Variants in MXI1 observed in about 807,000 individuals in gnomAD.
MXI1 encodes the protein MAX interactor 1, dimerization protein.
Under a neutral mutation model 36.9 loss-of-function variants are expected in MXI1, and 18 were observed. The observed-to-expected ratio is 0.49, with a 90% CI of 0.34 to 0.72. The LOEUF (loss-of-function observed/expected upper bound fraction) is 0.72. Ranked by LOEUF, MXI1 falls within the 30% of genes least tolerant of loss-of-function variation. MXI1 has a pLI of 0.01. For missense variants in MXI1, 304 were observed against 379.1 expected (o/e 0.80, Z 1.64); for synonymous variants, 160 against 146.7 (o/e 1.09, Z -0.65).
chr10:110,228,124 T>C, intron 1 of MXI1, 65 bp from the exon 2 acceptor site: 2 of 1,573,518 alleles, frequency 1.3e-6, no homozygotes, highest in Non-Finnish European at 1.7e-6. Flanking sequence ...GACCTCGGAT[T>C]TGTGGGTCAA....
chr10:110,250,175 G>C (rs1856025243), intron 3 of MXI1, among the ~76,000 whole-genome samples: 1 of 152,098 alleles, frequency 6.6e-6, no homozygotes, highest in Admixed American at 6.5e-5. Context: ...CTTGGGAGCT[G>C]ATATCTGCCC....
intron 1 of MXI1, among the ~76,000 whole-genome samples, chr10:110,210,739 G>C (rs936908105): frequency 3.0e-4 from 46 of 152,238 alleles, no homozygotes; most frequent in Non-Finnish European, 5.9e-5. Flanking sequence ...CTTCGCGCTG[G>C]CGGCGCTCGT....
intron 2 of MXI1, among the ~76,000 whole-genome samples, chr10:110,243,489 G>A (rs771852678): frequency 1.8e-4 from 27 of 151,946 alleles, no homozygotes; most frequent in Non-Finnish European, 1.5e-4. Flanking sequence ...TTAATTTTAA[G>A]GTTTGAGAAT....
At chr10:110,212,035 T>G (rs1854527488) in intron 1 of MXI1, among the ~76,000 whole-genome samples, 1 of 152,176 alleles carries the variant, frequency 6.6e-6, no homozygotes, top group African/African-American at 2.4e-5. Context: ...AAAGGGATGT[T>G]ATGTGCATAA....
At chr10:110,231,650 C>T (rs552433551) in intron 2 of MXI1, among the ~76,000 whole-genome samples, 86 of 152,294 alleles carry the variant, frequency 5.6e-4, no homozygotes, top group African/African-American at 2.0e-3. Context: ...TTCTGGCACA[C>T]TTCCAAAAAT....
intron 3 of MXI1, among the ~76,000 whole-genome samples, chr10:110,277,135 C>T (rs1057504972): frequency 1.3e-5 from 2 of 152,126 alleles, no homozygotes; most frequent in Admixed American, 1.3e-4. Flanking sequence ...AGCCACCATG[C>T]CCAGCCCATT....
chr10:110,240,402 G>A (rs1855629092), intron 2 of MXI1, among the ~76,000 whole-genome samples: 1 of 151,966 alleles, frequency 6.6e-6, no homozygotes, highest in African/African-American at 2.4e-5. Flanking sequence ...ATGTTCGTGG[G>A]CTTAGTTATT....
intron 4 of MXI1, 111 bp from the exon 5 acceptor site, chr10:110,279,803 A>G: frequency 1.5e-6 from 1 of 663,484 alleles, no homozygotes; most frequent in Non-Finnish European, 2.3e-6. Flanking sequence ...ATATATTTTT[A>G]TACACACTCA....
At chr10:110,217,312 G>C (rs1241630837) in intron 1 of MXI1, among the ~76,000 whole-genome samples, 1 of 152,212 alleles carries the variant, frequency 6.6e-6, no homozygotes, top group Non-Finnish European at 1.5e-5. Context: ...AGGGGATCTG[G>C]ATTACCTACT....
At chr10:110,281,612 T>C (rs1040387080) in intron 5 of MXI1, among the ~76,000 whole-genome samples, 1 of 152,226 alleles carries the variant, frequency 6.6e-6, no homozygotes, top group African/African-American at 2.4e-5. Flanking sequence ...TGAAGGAATA[T>C]ATAGGTATAG....
chr10:110,268,479 T>C (rs1173937646), intron 3 of MXI1, among the ~76,000 whole-genome samples: 1 of 152,204 alleles, frequency 6.6e-6, no homozygotes, highest in Non-Finnish European at 1.5e-5. Flanking sequence ...CCCAGTCTTT[T>C]ACTTGATAAA....
chr10:110,212,788 A>G (rs1854543221), intron 1 of MXI1, among the ~76,000 whole-genome samples: 2 of 152,234 alleles, frequency 1.3e-5, no homozygotes, highest in African/African-American at 2.4e-5. Context: ...TACCTGAGAT[A>G]TAATAGGTGC....
chr10:110,234,220 A>C (rs1410686176), intron 2 of MXI1, among the ~76,000 whole-genome samples: 1 of 152,144 alleles, frequency 6.6e-6, no homozygotes, highest in Non-Finnish European at 1.5e-5. Flanking sequence ...AAATGAAAGA[A>C]CATTGCCTGC....
intron 5 of MXI1, among the ~76,000 whole-genome samples, chr10:110,281,832 T>C (rs901912202): frequency 6.6e-6 from 1 of 152,204 alleles, no homozygotes; most frequent in African/African-American, 2.4e-5. Context: ...GTCAGTATTG[T>C]GTGTAGTTGT....
chr10:110,225,941 A>AG (rs1854949818), intron 1 of MXI1: 31 of 828,394 alleles, frequency 3.7e-5, no homozygotes, highest in African/African-American at 4.4e-5. Context: ...CAGGGGCGGG[A>AG]GGGGGCGGGC....
At chr10:110,215,030 A>AT (rs1854598376) in intron 1 of MXI1, among the ~76,000 whole-genome samples, 2 of 98,916 alleles carry the variant, frequency 2.0e-5, no homozygotes, top group Non-Finnish European at 3.7e-5. Flanking sequence ...GCTCCACTTC[A>AT]GTTTTTTTTT....
intron 3 of MXI1, among the ~76,000 whole-genome samples, chr10:110,268,247 A>G (rs1054303949): frequency 2.0e-5 from 3 of 152,156 alleles, no homozygotes; most frequent in African/African-American, 4.8e-5. Context: ...CTCCTGAGCT[A>G]TTGATGAAAT....
chr10:110,224,675 C>G (rs943920735), intron 1 of MXI1, among the ~76,000 whole-genome samples: 3 of 136,742 alleles, frequency 2.2e-5, no homozygotes, highest in African/African-American at 8.3e-5. Context: ...GAGTCTTGCT[C>G]TGTTGCCCAG....
chr10:110,211,197 TCTC>T (rs1328700383), intron 1 of MXI1, among the ~76,000 whole-genome samples: 2 of 151,958 alleles, frequency 1.3e-5, no homozygotes, highest in Non-Finnish European at 2.9e-5. Flanking sequence ...TTCTCCGCCT[TCTC>T]CTCCTCCCCC....
Sources: gnomAD v4.1 joint callset for allele counts (sites outside exome capture counted in the v4.1 genomes callset) on GRCh38, gnomAD v4.1.1 for gene constraint, MANE v1.5 for transcripts, NCBI Gene and HGNC (gene_info 2026-07-23, HGNC 2026-07-21) for gene names.